PKHD1: variants seen among roughly 807,000 people sequenced by gnomAD.
PKHD1 encodes the protein fibrocystin.
A neutral mutation model predicts 412.0 loss-of-function variants in PKHD1; 291 were observed. That is an observed-to-expected ratio of 0.71 (90% CI 0.64 to 0.78). PKHD1 has a LOEUF of 0.78. Ranked by LOEUF, PKHD1 falls within the 30% of genes least tolerant of loss-of-function variation. The probability of loss-of-function intolerance (pLI) is 0.00; values close to 1 mark genes in which losing one functional copy is unlikely to be tolerated. For synonymous variants in PKHD1, 1,777 were observed against 1,821.5 expected, an observed-to-expected ratio of 0.98 and a Z score of 0.62; for missense variants, 4,825 against 4,950.7, an observed-to-expected ratio of 0.97 and a Z score of 0.76.
At chr6:51,686,190 C>T (rs648252) in intron 60 of PKHD1, among the ~76,000 whole-genome samples, 138,074 of 152,134 alleles carry the variant, frequency 0.91, 63,098 homozygotes, top group Middle Eastern at 0.97. Flanking sequence ...GAACCCTTAA[C>T]TCATGTTCAC....
intron 35 of PKHD1, among the ~76,000 whole-genome samples, chr6:52,001,012 A>G (rs1259257531): frequency 6.6e-6 from 1 of 152,198 alleles, no homozygotes; most frequent in Non-Finnish European, 1.5e-5. Flanking sequence ...TGCAGAGTGT[A>G]CAGTTTCAAA....
chr6:51,950,220 A>AAAAAAAAAAAAAAAATATATATAT, intron 36 of PKHD1, among the ~76,000 whole-genome samples: 30 of 98,284 alleles, frequency 3.1e-4, no homozygotes, highest in African/African-American at 1.1e-3. Flanking sequence ...GAAAAAAAAA[A>AAAAAAAAAAAAAAAATATATATAT]ATATATATAT....
At chr6:52,027,713 C>G in intron 31 of PKHD1, 116 bp downstream of exon 31, 1 of 778,114 alleles carries the variant, frequency 1.3e-6, no homozygotes, top group Non-Finnish European at 2.3e-6. Context: ...AGGAAAGTTT[C>G]TCTCCTGTTT....
intron 14 of PKHD1, among the ~76,000 whole-genome samples, chr6:52,061,044 G>T (rs1808593911): frequency 6.6e-6 from 1 of 152,160 alleles, no homozygotes. Context: ...TTTGGGGTAG[G>T]CTGACTCACT....
At chr6:51,832,486 A>G (rs930544877) in intron 51 of PKHD1, among the ~76,000 whole-genome samples, 1 of 152,096 alleles carries the variant, frequency 6.6e-6, no homozygotes, top group African/African-American at 2.4e-5. Context: ...AGGCCAGAGT[A>G]TGAAAGATAA....
At chr6:51,689,810 C>T (rs1777918651) in intron 60 of PKHD1, among the ~76,000 whole-genome samples, 1 of 151,872 alleles carries the variant, frequency 6.6e-6, no homozygotes, top group South Asian at 2.1e-4. Flanking sequence ...ATTTTTTTAT[C>T]CAAAACTAAA....
At chr6:52,057,099 T>G (rs1242090194) in intron 16 of PKHD1, 120 bp from the exon 17 acceptor site, 1 of 736,892 alleles carries the variant, frequency 1.4e-6, no homozygotes, top group Non-Finnish European at 2.4e-6. Context: ...ATTTTAACTT[T>G]TCAATGCTTT....
chr6:52,026,054 C>G lies in PKHD1; in HGVS notation c.3756G>C (p.Leu1252=), dbSNP rs9689306. The part of the protein sequence containing the change: ...LTEASIWCET[L]PAPQIPDAGA... Reference sequence around the variant, plus strand: ...CCGCATCGGGTATCTGGGGGGCTGGCAGGGTTTCACACCAGATGCTCGCCT... The same window carrying G: ...CCGCATCGGGTATCTGGGGGGCTGGGAGGGTTTCACACCAGATGCTCGCCT... The change falls in exon 32 of 67, where the codon CTG becomes CTC. Residue 1252 remains leucine, a synonymous_variant. Coordinates refer to ENST00000371117, the MANE Select transcript of PKHD1 (RefSeq NM_138694.4). The G allele has an allele frequency of 0.052, 83,861 of 1,613,986 alleles. 2,565 individuals are homozygous for G. The highest frequency in any genetic ancestry group is 0.061 in the Non-Finnish European group (72,437 of 1,179,914).
At chr6:51,896,413 T>C (rs1250889736) in intron 43 of PKHD1, among the ~76,000 whole-genome samples, 3 of 152,104 alleles carry the variant, frequency 2.0e-5, no homozygotes, top group African/African-American at 7.2e-5. Context: ...CACTGACACC[T>C]CACACGGCAG....
At position 52,050,144 on chromosome 6, in the gene PKHD1, A is replaced by C. The variant is rs188914598; in HGVS notation, c.2279+13T>G. On this transcript the variant is annotated intron_variant, in intron 22 of 66. Coordinates refer to ENST00000371117, the MANE Select transcript of PKHD1 (RefSeq NM_138694.4). The stretch of plus-strand genomic sequence containing the variant: ...TTAGGAGAAGGGACAGGTGTAAAAA[A>C]GCCACTCCTTACCGTGCAGTGATGA... The C allele has an allele frequency of 8.4e-3, 13,613 of 1,613,600 alleles. 74 individuals carry two copies. The highest frequency in any genetic ancestry group is 0.017 in the Middle Eastern group (98 of 5,790).
In PKHD1 at chr6:51,668,498, C is replaced by A. The variant is rs572030091; in HGVS notation, c.10157-8529G>T. On this transcript the variant is annotated intron_variant, in intron 60 of 66. Coordinates refer to ENST00000371117, the MANE Select transcript of PKHD1 (RefSeq NM_138694.4). Reference sequence around the variant, plus strand: ...CAATCATGTCGTCTGCAAACAGGGACAATTTGACTTCCTCTTTTCCTAATT... The same window carrying A: ...CAATCATGTCGTCTGCAAACAGGGAAAATTTGACTTCCTCTTTTCCTAATT... 1.1e-4 allele frequency among the ~76,000 whole-genome samples: 17 copies of A among 152,240 alleles called. No homozygotes were observed. In the South Asian group the frequency reaches 3.3e-3, roughly 30 times the overall value.
chr6:51,687,504 T>C (rs7756268), intron 60 of PKHD1, among the ~76,000 whole-genome samples: 18,913 of 152,226 alleles, frequency 0.12, 1,728 homozygotes, highest in East Asian at 0.32. Flanking sequence ...CACCCATCTA[T>C]TCAGTGGCCA....
In PKHD1 at chr6:51,616,743, G is replaced by C. The variant is rs1254408958; in HGVS notation, c.*2338C>G. ...ATAATTATGGTTATTCCTACGCAGA[G>C]GGATAGGATAAAACATGCCTCCCAG... On this transcript the variant is annotated 3_prime_UTR_variant, in exon 67 of 67. Transcript: ENST00000371117. 2.5e-6 allele frequency: 1 copy of C among 398,232 alleles called. No homozygotes were observed. The highest frequency in any genetic ancestry group is 3.6e-5 in the East Asian group (1 of 28,078). The allele number at this position is 398,232 out of a possible 1,614,324, so 24.7% of individuals were successfully genotyped here.
intron 53 of PKHD1, among the ~76,000 whole-genome samples, chr6:51,788,421 G>GTTCTCCTTTATTCTGAC (rs536175603): frequency 0.016 from 2,031 of 125,864 alleles, 50 homozygotes; most frequent in African/African-American, 0.048. Flanking sequence ...GCATCAAGGA[G>GTTCTCCTTTATTCTGAC]TTCTCCTTTA....
chr6:51,682,322 T>C, intron 60 of PKHD1: 1 of 434,432 alleles, frequency 2.3e-6, no homozygotes, highest in Non-Finnish European at 4.6e-6. Context: ...TAATATTCAC[T>C]TTTTCTAATA....
chr6:51,657,180 T>G (rs1330971666), intron 61 of PKHD1, among the ~76,000 whole-genome samples: 2 of 151,096 alleles, frequency 1.3e-5, no homozygotes, highest in African/African-American at 4.9e-5. Flanking sequence ...TTAAGGTCAG[T>G]TCATGGGCTC....
chr6:51,634,082 A>T (rs1250211727), intron 64 of PKHD1, among the ~76,000 whole-genome samples: 1 of 152,162 alleles, frequency 6.6e-6, no homozygotes, highest in African/African-American at 2.4e-5. Context: ...AAACTTGTTT[A>T]TGAACAGTTA....
intron 48 of PKHD1, among the ~76,000 whole-genome samples, chr6:51,859,429 G>A (rs1022326678): frequency 1.3e-5 from 2 of 150,296 alleles, no homozygotes; most frequent in Middle Eastern, 3.4e-3. Context: ...GGGAGGCTGA[G>A]GCAGGAGAAT....
chr6:51,717,371 C>T (rs1781401779), intron 60 of PKHD1, among the ~76,000 whole-genome samples: 1 of 150,962 alleles, frequency 6.6e-6, no homozygotes, highest in South Asian at 2.1e-4. Flanking sequence ...GAGATCATGC[C>T]ACTGCATTCC....
Sources: gnomAD v4.1 joint callset for allele counts (sites outside exome capture counted in the v4.1 genomes callset) on GRCh38, gnomAD v4.1.1 for gene constraint, MANE v1.5 for transcripts, NCBI Gene and HGNC (gene_info 2026-07-23, HGNC 2026-07-21) for gene names.